The following TMEM132B variants were observed in gnomAD, a reference collection of about 807,000 sequenced individuals.
TMEM132B encodes the protein transmembrane protein 132B.
In TMEM132B, 18 loss-of-function variants were observed where a neutral mutation model predicts 90.8. That is an observed-to-expected ratio of 0.20 (90% CI 0.14 to 0.29). TMEM132B has a LOEUF of 0.29. Ranked by LOEUF, TMEM132B falls within the 10% of genes least tolerant of loss-of-function variation. The probability of loss-of-function intolerance (pLI) is 1.00; values close to 1 mark genes in which losing one functional copy is unlikely to be tolerated. For synonymous variants in TMEM132B, 504 were observed against 523.3 expected (o/e 0.96, Z 0.50); for missense variants, 1,096 against 1,326.8 (o/e 0.83, Z 2.70).
intron 3 of TMEM132B, among the ~76,000 whole-genome samples, chr12:125,474,271 C>A (rs1229643022): frequency 1.5e-5 from 2 of 136,140 alleles, no homozygotes; most frequent in African/African-American, 5.9e-5. Context: ...CCCTCCCCTC[C>A]CTCCCCTCCC....
rs200090989 is a variant in TMEM132B, at chr12:125,307,758, A to G, written c.68-41694A>G. Among the ~76,000 whole-genome samples the G allele has an allele frequency of 0.012, 3 of 248 alleles. 1 individual carries two copies. The East Asian group carries it at 0.17, about 14-fold the overall frequency. The allele number at this position is 248 out of a possible 152,430, so 0.2% of individuals were successfully genotyped here. On this transcript the variant is annotated intron_variant, in intron 1 of 8. Coordinates refer to ENST00000682704, the MANE Select transcript of TMEM132B (RefSeq NM_001366854.1). The stretch of plus-strand genomic sequence containing the variant: ...ACTTGTAATATAAGTATATATACTT[A>G]TATTGCAAGTATATATACTTATAAT...
chr12:125,625,160 T>A (rs1394039048), intron 5 of TMEM132B, among the ~76,000 whole-genome samples: 1 of 97,132 alleles, frequency 1.0e-5, no homozygotes, highest in Admixed American at 1.3e-4. Context: ...TGAGACTGAG[T>A]CTCGCTCTGT....
At chr12:125,417,181 A>G (rs775650089) in intron 3 of TMEM132B, among the ~76,000 whole-genome samples, 1 of 152,100 alleles carries the variant, frequency 6.6e-6, no homozygotes, top group Non-Finnish European at 1.5e-5. Flanking sequence ...TCCAGGCATC[A>G]TAGACTCACC....
chr12:125,634,316 T>G (rs1886432969), intron 5 of TMEM132B, among the ~76,000 whole-genome samples: 1 of 152,210 alleles, frequency 6.6e-6, no homozygotes, highest in South Asian at 2.1e-4. Context: ...AGACTCACCC[T>G]GCAGGGCAGT....
At chr12:125,611,898 T>C (rs1885836542) in intron 5 of TMEM132B, among the ~76,000 whole-genome samples, 1 of 152,152 alleles carries the variant, frequency 6.6e-6, no homozygotes, top group Non-Finnish European at 1.5e-5. Flanking sequence ...TTGTGGAGTA[T>C]TTTATAGATA....
Position 125,415,490 on chromosome 12 carries a change from G to C in TMEM132B, c.960-41G>C. 1 of 1,602,812 alleles carries C rather than the reference G, an allele frequency of 6.2e-7. No individual in the cohort carries two copies. Among genetic ancestry groups the C allele is most frequent in the Non-Finnish European group, 8.5e-7 (1 of 1,174,246 alleles). ...TTTACTACCTGTTTCAAACTAAAAT[G>C]GTTTTATTATATATAATATCATTGT... On this transcript the variant is annotated intron_variant, in intron 2 of 8. Coordinates refer to ENST00000682704, the MANE Select transcript of TMEM132B (RefSeq NM_001366854.1). This position sits in a 1 kb window ranked among gnomAD's most constrained non-coding sequence, Gnocchi z 5.3.
chr12:125,235,322 T>C (rs1873909829), intron 1 of TMEM132B, among the ~76,000 whole-genome samples: 1 of 152,194 alleles, frequency 6.6e-6, no homozygotes, highest in South Asian at 2.1e-4. Context: ...ATATCTCAAA[T>C]GTTACACTTC....
intron 1 of TMEM132B, among the ~76,000 whole-genome samples, chr12:125,340,456 A>G (rs560994975): frequency 2.0e-5 from 3 of 152,242 alleles, no homozygotes; most frequent in Non-Finnish European, 4.4e-5. Flanking sequence ...ACCCATGCAC[A>G]GAAAGCAAGC....
intron 5 of TMEM132B, among the ~76,000 whole-genome samples, chr12:125,599,001 T>C (rs754184278): frequency 3.9e-5 from 6 of 152,180 alleles, no homozygotes; most frequent in Admixed American, 3.3e-4. Context: ...ATCACAGTCA[T>C]AATCAGCTTC....
chr12:125,305,700 T>TA (rs775465418), intron 1 of TMEM132B, among the ~76,000 whole-genome samples: 7 of 152,212 alleles, frequency 4.6e-5, no homozygotes, highest in Non-Finnish European at 7.3e-5. Flanking sequence ...GAAAACCTCC[T>TA]AACACTTTGC....
chr12:125,575,084 T>TATATATATATATATATATATATATG (rs1160167639), intron 4 of TMEM132B, among the ~76,000 whole-genome samples: 1 of 19,650 alleles, frequency 5.1e-5, no homozygotes, highest in Non-Finnish European at 1.5e-4. Flanking sequence ...ATATATATAT[T>TATATATATATATATATATATATATG]CAGGAGTAGA....
At chr12:125,290,599 C>T (rs910631733) in intron 1 of TMEM132B, among the ~76,000 whole-genome samples, 2 of 152,218 alleles carry the variant, frequency 1.3e-5, no homozygotes, top group African/African-American at 2.4e-5. Flanking sequence ...CATCTTGCCA[C>T]GTTGGTGGGA....
intron 5 of TMEM132B, among the ~76,000 whole-genome samples, chr12:125,633,551 T>G (rs1344256023): frequency 3.3e-5 from 5 of 152,230 alleles, no homozygotes; most frequent in Admixed American, 3.3e-4. Flanking sequence ...CTGGGCATGT[T>G]TGTACCTGTT....
chr12:125,620,087 C>T (rs1374648311), intron 5 of TMEM132B, among the ~76,000 whole-genome samples: 7 of 152,140 alleles, frequency 4.6e-5, no homozygotes, highest in Admixed American at 3.9e-4. Flanking sequence ...ATCATAGTTG[C>T]GATGTGTCAG....
chr12:125,300,994 C>A (rs1257727257), intron 1 of TMEM132B: 2 of 151,764 alleles, frequency 1.3e-5, no homozygotes, highest in African/African-American at 4.8e-5. Context: ...ATGAGGTTGC[C>A]TCCATTGCTA....
chr12:125,641,178 G>A (rs1886621755), intron 5 of TMEM132B, among the ~76,000 whole-genome samples: 1 of 152,204 alleles, frequency 6.6e-6, no homozygotes, highest in African/African-American at 2.4e-5. Flanking sequence ...AGAAGGCAGA[G>A]CGAGTACTTG....
At chr12:125,245,665 C>A (rs1328500389) in intron 1 of TMEM132B, among the ~76,000 whole-genome samples, 1 of 152,174 alleles carries the variant, frequency 6.6e-6, no homozygotes, top group East Asian at 1.9e-4. Flanking sequence ...ACCCCAGCCC[C>A]TTGCTCATAC....
intron 5 of TMEM132B, among the ~76,000 whole-genome samples, chr12:125,625,686 A>G (rs540388939): frequency 6.6e-6 from 1 of 152,374 alleles, no homozygotes; most frequent in South Asian, 2.1e-4. Context: ...TTAATGGATC[A>G]TTTAGTAAAC....
chr12:125,358,026 A>G (rs1877837509), intron 2 of TMEM132B, among the ~76,000 whole-genome samples: 1 of 152,126 alleles, frequency 6.6e-6, no homozygotes, highest in South Asian at 2.1e-4. Flanking sequence ...CTTTGATTGT[A>G]CAAGTGTTTT....
Sources: gnomAD v4.1 joint callset for allele counts (sites outside exome capture counted in the v4.1 genomes callset) on GRCh38, gnomAD v4.1.1 for gene constraint, Gnocchi (gnomAD v3.1) non-coding constraint, MANE v1.5 for transcripts, NCBI Gene and HGNC (gene_info 2026-07-23, HGNC 2026-07-21) for gene names.